PCSK5: variants seen among roughly 807,000 people sequenced by gnomAD.
PCSK5 encodes the protein prohormone convertase 5.
A neutral mutation model predicts 233.2 loss-of-function variants in PCSK5; 129 were observed. The observed-to-expected ratio is 0.55, with a 90% CI of 0.48 to 0.64. The LOEUF (loss-of-function observed/expected upper bound fraction) is 0.64. Ranked by LOEUF, PCSK5 falls within the 30% of genes least tolerant of loss-of-function variation. The pLI is 0.00. For synonymous variants in PCSK5, 825 were observed against 879.2 expected (o/e 0.94, Z 1.09); for missense variants, 2,076 against 2,430.1 (o/e 0.85, Z 3.06).
At chr9:76,167,961 C>G (rs1319608597) in intron 12 of PCSK5, among the ~76,000 whole-genome samples, 2 of 152,092 alleles carry the variant, frequency 1.3e-5, no homozygotes, top group Non-Finnish European at 2.9e-5. Flanking sequence ...CGCTCACTTG[C>G]AATATTTTAC....
chr9:76,079,559 C>T (rs1830762386), intron 7 of PCSK5, among the ~76,000 whole-genome samples: 1 of 152,174 alleles, frequency 6.6e-6, no homozygotes, highest in South Asian at 2.1e-4. Context: ...GTTTCAGGAG[C>T]CATTCAGTGG....
At chr9:75,905,032 A>C (rs1009116996) in intron 1 of PCSK5, among the ~76,000 whole-genome samples, 2 of 152,200 alleles carry the variant, frequency 1.3e-5, no homozygotes, top group African/African-American at 4.8e-5. Flanking sequence ...ATTCTAAGTG[A>C]AAGGAACCAG....
rs369701491 is a variant in PCSK5, at chr9:76,022,865, A to G, written c.412-873A>G. ...CTTCTCAAAAAAATAGTGCTTGATG[A>G]ATTTGTCTACTGGCTACAAATTATG... On this transcript the variant is annotated intron_variant, in intron 3 of 37. Transcript: ENST00000674117. 1.4e-3 allele frequency among the ~76,000 whole-genome samples: 217 copies of G among 152,274 alleles called. 8 individuals carry two copies. In the South Asian group the frequency reaches 0.042, roughly 29 times the overall value.
intron 1 of PCSK5, among the ~76,000 whole-genome samples, chr9:75,932,041 C>T (rs971367182): frequency 6.6e-6 from 1 of 152,134 alleles, no homozygotes; most frequent in Non-Finnish European, 1.5e-5. Context: ...GATTTTCCCC[C>T]CTCTTTCCCA....
At chr9:76,185,624 G>T (rs1489021505) in intron 17 of PCSK5, among the ~76,000 whole-genome samples, 1 of 151,986 alleles carries the variant, frequency 6.6e-6, no homozygotes, top group African/African-American at 2.4e-5. Context: ...TTCAGTATTA[G>T]CTTACTTGGC....
intron 22 of PCSK5, 38 bp from the exon 23 acceptor site, chr9:76,238,921 A>C: frequency 7.0e-7 from 1 of 1,437,912 alleles, no homozygotes; most frequent in South Asian, 1.2e-5. Flanking sequence ...CTAACTTTGT[A>C]CATTTTCCCT....
chr9:76,181,366 G>A (rs772214563), intron 15 of PCSK5, 32 bp from the exon 16 acceptor site: 17 of 1,585,128 alleles, frequency 1.1e-5, no homozygotes, highest in Non-Finnish European at 1.2e-5. Context: ...TGCTCATGAC[G>A]CTGCCTTCTT....
At chr9:76,261,526 C>A (rs1827174200) in intron 24 of PCSK5, among the ~76,000 whole-genome samples, 2 of 152,116 alleles carry the variant, frequency 1.3e-5, no homozygotes, top group Non-Finnish European at 2.9e-5. Flanking sequence ...TTCACAATAA[C>A]CCCCTTCCTG....
chr9:76,140,017 A>G (rs376494344), intron 10 of PCSK5, among the ~76,000 whole-genome samples: 1 of 152,050 alleles, frequency 6.6e-6, no homozygotes. Flanking sequence ...GACGCTCAAA[A>G]ATATTTTCTA....
intron 5 of PCSK5, among the ~76,000 whole-genome samples, chr9:76,041,437 A>G (rs914156671): frequency 6.6e-6 from 1 of 152,192 alleles, no homozygotes; most frequent in African/African-American, 2.4e-5. Flanking sequence ...GTTAAGCCAG[A>G]CATTTCTTAT....
chr9:75,982,553 G>A (rs1171126869), intron 2 of PCSK5, among the ~76,000 whole-genome samples: 1 of 152,110 alleles, frequency 6.6e-6, no homozygotes, highest in Non-Finnish European at 1.5e-5. Context: ...ATATGCATGA[G>A]GCTAAGTGTA....
chr9:76,353,569 C>T (rs1311453006), intron 36 of PCSK5, among the ~76,000 whole-genome samples: 4 of 152,178 alleles, frequency 2.6e-5, no homozygotes, highest in East Asian at 1.9e-4. Flanking sequence ...GAGGGGTCAT[C>T]GCCACGTGGG....
intron 7 of PCSK5, among the ~76,000 whole-genome samples, chr9:76,075,841 T>C (rs1052039254): frequency 2.6e-5 from 4 of 152,228 alleles, no homozygotes; most frequent in Non-Finnish European, 5.9e-5. Flanking sequence ...ATTCATCATA[T>C]TAAGCTTAGC....
chr9:76,106,135 T>C (rs1411593135), intron 8 of PCSK5, among the ~76,000 whole-genome samples: 1 of 152,220 alleles, frequency 6.6e-6, no homozygotes, highest in Non-Finnish European at 1.5e-5. Context: ...TTCACCTTTC[T>C]GGGACCTTTC....
At chr9:76,040,525 T>G (rs1489548961) in intron 5 of PCSK5, among the ~76,000 whole-genome samples, 1 of 152,106 alleles carries the variant, frequency 6.6e-6, no homozygotes, top group Non-Finnish European at 1.5e-5. Context: ...TTTAACAAAC[T>G]ACTTTTCTGC....
At chr9:76,340,918 T>A (rs756510669) in intron 35 of PCSK5, among the ~76,000 whole-genome samples, 11 of 151,634 alleles carry the variant, frequency 7.3e-5, no homozygotes, top group African/African-American at 1.5e-4. Context: ...ATTTTTACTT[T>A]TGAGAGTTCT....
At chr9:76,057,832 CTTTTTTTTTTTTT>C (rs36017305) in intron 5 of PCSK5, among the ~76,000 whole-genome samples, 2 of 67,082 alleles carry the variant, frequency 3.0e-5, no homozygotes, top group South Asian at 6.8e-4. Context: ...TATTCAGGGG[CTTTTTTTTTTTTT>C]TTTTTTTTTT....
chr9:76,241,895 A>G (rs1826441715), intron 24 of PCSK5, among the ~76,000 whole-genome samples: 1 of 152,112 alleles, frequency 6.6e-6, no homozygotes, highest in Admixed American at 6.5e-5. Flanking sequence ...GTGGGCACAA[A>G]TCACCTGGGG....
rs71372041 is a variant in PCSK5 at position 76,046,160 on chromosome 9, G to GTTTTTT, written c.632+19153_632+19158dup. 6.0e-3 allele frequency among the ~76,000 whole-genome samples: 347 copies of GTTTTTT among 58,008 alleles called. 35 individuals carry two copies. Among genetic ancestry groups the GTTTTTT allele is most frequent in the Middle Eastern group, 0.018 (1 of 56 alleles). The allele number at this position is 58,008 out of a possible 152,430, so 38.1% of individuals were successfully genotyped here. ...GCATTAACACATAATTTTTTCTTTT[G>GTTTTTT]TTTTTTTTTTTTTTTTTTTTTTTTT... On this transcript the variant is annotated intron_variant, in intron 5 of 37. Coordinates refer to ENST00000674117, the MANE Select transcript of PCSK5 (RefSeq NM_001372043.1).
Sources: allele counts gnomAD v4.1 joint callset (sites outside exome capture counted in the v4.1 genomes callset), GRCh38; gene constraint gnomAD v4.1.1; transcripts MANE v1.5; gene names NCBI Gene and HGNC (gene_info 2026-07-23, HGNC 2026-07-21).